Variants in MDM2 observed in about 807,000 individuals in gnomAD.
MDM2 encodes the protein E3 ubiquitin-protein ligase Mdm2.
Under a neutral mutation model 64.3 loss-of-function variants are expected in MDM2, and 11 were observed. That is an observed-to-expected ratio of 0.17 (90% CI 0.11 to 0.28). The LOEUF (loss-of-function observed/expected upper bound fraction) is 0.28. Among genes scored for constraint, MDM2 ranks in the 10% least tolerant of loss-of-function variants. The probability of loss-of-function intolerance (pLI) is 1.00; values close to 1 mark genes in which losing one functional copy is unlikely to be tolerated. For missense variants in MDM2, 388 were observed against 577.1 expected (o/e 0.67, Z 3.36); for synonymous variants, 194 against 192.9 (o/e 1.01, Z -0.05).
rs1258943233 is a variant in MDM2, at chr12:68,808,378, G to A, written c.-100G>A. ...CGCCCAGTGCCCTGGCCCGGAGAGT[G>A]GAATGATCCCCGAGGCCCAGGGCGT... On this transcript the variant is annotated 5_prime_UTR_variant, in exon 1 of 11. Transcript: ENST00000258149. 3 of 1,517,336 alleles carry A rather than the reference G, an allele frequency of 2.0e-6. No individual in the cohort carries two copies. The highest frequency in any genetic ancestry group is 1.4e-5 in the African/African-American group (1 of 72,910). 94.0% of individuals were successfully genotyped at this position (1,517,336 alleles called of 1,614,324 possible).
intron 8 of MDM2, among the ~76,000 whole-genome samples, chr12:68,833,126 CAAAAAAAAAA>C (rs35815088): frequency 0.017 from 1,018 of 61,680 alleles, 23 homozygotes; most frequent in African/African-American, 0.049. Flanking sequence ...ACTCTGTCTC[CAAAAAAAAAA>C]AAAAAAAAAA....
At position 68,830,618 on chromosome 12, in the gene MDM2, G is replaced by A. The variant is rs79105140; in HGVS notation, c.684+1687G>A. Among the ~76,000 whole-genome samples the A allele has an allele frequency of 7.0e-3, 1,058 of 152,202 alleles. 5 individuals carry two copies. The highest frequency in any genetic ancestry group is 0.012 in the Non-Finnish European group (803 of 68,004). ...CAGTGGAAAAAATAGGCTCTTGAGC[G>A]GAAATATATGTGATAAAATTGAATC... is the stretch of plus-strand genomic sequence containing the variant. On this transcript the variant is annotated intron_variant, in intron 8 of 10. Transcript: ENST00000258149.
Position 68,842,089 on chromosome 12 carries a change from A to G in MDM2, c.*2240A>G. The G allele has an allele frequency of 2.4e-6, 1 of 416,000 alleles. No homozygotes were observed. The highest frequency in any genetic ancestry group is 3.5e-5 in the Admixed American group (1 of 28,480). The allele number at this position is 416,000 out of a possible 1,614,324, so 25.8% of individuals were successfully genotyped here. On this transcript the variant is annotated 3_prime_UTR_variant, in exon 11 of 11. Coordinates refer to ENST00000258149, the MANE Select transcript of MDM2 (RefSeq NM_002392.6). ...GTGGACTAAAGCATTCTGTAAAGCAACTGCTAATAATGAGCTTACAGTGGA... is the reference window on the plus strand; with the variant it reads ...GTGGACTAAAGCATTCTGTAAAGCAGCTGCTAATAATGAGCTTACAGTGGA...
chr12:68,845,052 G>C lies in MDM2; in HGVS notation c.*5203G>C, dbSNP rs1334219253. The C allele has an allele frequency of 4.8e-6, 1 of 209,046 alleles. No homozygotes were observed. Among genetic ancestry groups the C allele is most frequent in the African/African-American group, 2.3e-5 (1 of 43,828 alleles). 12.9% of individuals were successfully genotyped at this position (209,046 alleles called of 1,614,324 possible). ...CAAAGTGCTGTGATTACAGGCGTGA[G>C]CCGCCACGCCCAGCCTAATAAGGGT... On this transcript the variant is annotated 3_prime_UTR_variant, in exon 11 of 11. Coordinates refer to ENST00000258149, the MANE Select transcript of MDM2 (RefSeq NM_002392.6).
At chr12:68,814,344 A>G (rs947295726) in intron 3 of MDM2, among the ~76,000 whole-genome samples, 1 of 152,236 alleles carries the variant, frequency 6.6e-6, no homozygotes, top group African/African-American at 2.4e-5. Flanking sequence ...ATGAGCCACC[A>G]TGCCTGGCCA....
chr12:68,834,752 A>G (rs750437491), intron 8 of MDM2, among the ~76,000 whole-genome samples: 13 of 152,180 alleles, frequency 8.5e-5, no homozygotes, highest in Non-Finnish European at 1.8e-4. Flanking sequence ...AAATAAAATA[A>G]GTTAAATGAT....
chr12:68,808,532 T>C, intron 1 of MDM2, 41 bp downstream of exon 1: 1 of 1,613,442 alleles, frequency 6.2e-7, no homozygotes, highest in Non-Finnish European at 8.5e-7. Flanking sequence ...GGGTCTGGGC[T>C]CTGACGGTGT....
chr12:68,833,149 A>AAAAAAAAAAATATATATATATATATAT (rs1555187768), intron 8 of MDM2, among the ~76,000 whole-genome samples: 1 of 65,962 alleles, frequency 1.5e-5, no homozygotes, highest in African/African-American at 6.1e-5. Context: ...AAAAAAAAAA[A>AAAAAAAAAAATATATATATATATATAT]ATATATATAT....
chr12:68,815,430 CTTCTTTTT>C (rs1416408162), intron 3 of MDM2, among the ~76,000 whole-genome samples: 1 of 97,846 alleles, frequency 1.0e-5, no homozygotes, highest in Non-Finnish European at 2.0e-5. Context: ...CCAGTTTCTT[CTTCTTTTT>C]TTTTTTTTTT....
intron 8 of MDM2, among the ~76,000 whole-genome samples, chr12:68,833,545 T>C (rs1269241222): frequency 6.6e-6 from 1 of 150,810 alleles, no homozygotes; most frequent in East Asian, 1.9e-4. Flanking sequence ...TTTTTCATGG[T>C]ATTTTTTATA....
chr12:68,830,831 G>T (rs1027760164), intron 8 of MDM2, among the ~76,000 whole-genome samples: 3 of 152,088 alleles, frequency 2.0e-5, no homozygotes, highest in African/African-American at 7.2e-5. Context: ...CTCCTGAGTA[G>T]CTGGGATTAC....
chr12:68,821,117 G>A (rs978534556), intron 5 of MDM2, among the ~76,000 whole-genome samples: 1 of 142,414 alleles, frequency 7.0e-6, no homozygotes, highest in Non-Finnish European at 1.5e-5. Flanking sequence ...GCATGATTTC[G>A]ACTCACTGCA....
At chr12:68,814,552 GA>G in intron 3 of MDM2, 1 of 349,936 alleles carries the variant, frequency 2.9e-6, no homozygotes, top group South Asian at 2.2e-5. Context: ...AATAAGAATA[GA>G]ATTTTTTTTT....
intron 1 of MDM2, chr12:68,808,841 C>A: frequency 1.1e-6 from 1 of 871,636 alleles, no homozygotes; most frequent in Non-Finnish European, 1.4e-6. Flanking sequence ...CCTGTCGGGT[C>A]ACTAGTGTGA....
chr12:68,819,198 T>C (rs1460867272), intron 4 of MDM2, among the ~76,000 whole-genome samples: 3 of 152,192 alleles, frequency 2.0e-5, no homozygotes, highest in Non-Finnish European at 4.4e-5. Context: ...TGAAAAAAGA[T>C]AGTTGGGATT....
At chr12:68,813,529 A>G in intron 2 of MDM2, 25 bp from the exon 3 acceptor site, 2 of 1,539,740 alleles carry the variant, frequency 1.3e-6, no homozygotes, top group Non-Finnish European at 1.8e-6. Context: ...TTGGAAGTAT[A>G]ATAGCAGTTC....
downstream of MDM2, chr12:68,848,611 A>T (rs1565757604): frequency 6.6e-6 from 1 of 152,216 alleles, no homozygotes; most frequent in Non-Finnish European, 1.5e-5. Context: ...AAGCCTTTTT[A>T]GAAAAAATTG....
In MDM2 at chr12:68,840,001, G is replaced by A. The variant is rs368379192; in HGVS notation, c.*152G>A. 1.6e-6 allele frequency: 1 copy of A among 643,426 alleles called. No homozygotes were observed. The highest frequency in any genetic ancestry group is 2.6e-6 in the Non-Finnish European group (1 of 386,254). The allele number at this position is 643,426 out of a possible 1,614,324, so 39.9% of individuals were successfully genotyped here. ...GTATAATTGACCTACTTTGGTAGTG[G>A]AATAGTGAATACTTACTATAATTTG... On this transcript the variant is annotated 3_prime_UTR_variant, in exon 11 of 11. Coordinates refer to ENST00000258149, the MANE Select transcript of MDM2 (RefSeq NM_002392.6).
intron 5 of MDM2, among the ~76,000 whole-genome samples, chr12:68,822,833 C>T (rs1349834745): frequency 2.0e-5 from 3 of 151,716 alleles, no homozygotes; most frequent in Non-Finnish European, 4.4e-5. Context: ...CTCTGCTTCC[C>T]GGGTTTAAGT....
Sources: gnomAD v4.1 joint callset for allele counts (sites outside exome capture counted in the v4.1 genomes callset) on GRCh38, gnomAD v4.1.1 for gene constraint, MANE v1.5 for transcripts, NCBI Gene and HGNC (gene_info 2026-07-23, HGNC 2026-07-21) for gene names.